ATAD5: variants seen among roughly 807,000 people sequenced by gnomAD.
ATAD5 encodes the protein ATPase family AAA domain-containing protein 5.
Under a neutral mutation model 176.9 loss-of-function variants are expected in ATAD5, and 58 were observed. The ratio of observed to expected loss-of-function variants is 0.33; its 90% CI spans 0.27 to 0.41. The LOEUF (loss-of-function observed/expected upper bound fraction) is 0.41. Among genes scored for constraint, ATAD5 ranks in the 10% least tolerant of loss-of-function variants. ATAD5 has a pLI of 1.00. For missense variants in ATAD5, 1,789 were observed against 2,094.1 expected, an observed-to-expected ratio of 0.85 and a Z score of 2.84; for synonymous variants, 640 against 712.6, an observed-to-expected ratio of 0.90 and a Z score of 1.62.
chr17:30,865,623 A>AG, intron 10 of ATAD5, 81 bp from the exon 11 acceptor site: 1 of 813,626 alleles, frequency 1.2e-6, no homozygotes, highest in East Asian at 2.9e-5. Flanking sequence ...GTGACATTGT[A>AG]ACAATAATGT....
intron 10 of ATAD5, among the ~76,000 whole-genome samples, chr17:30,862,338 GC>G (rs77472289): frequency 0.1 from 15,195 of 149,844 alleles, 898 homozygotes; most frequent in South Asian, 0.24. Flanking sequence ...CGTCTAGGGG[GC>G]AAAAAAAAAG....
Position 30,834,197 on chromosome 17 carries a change from T to C in ATAD5, c.116T>C (p.Ile39Thr), listed in dbSNP as rs1441456440. ...KDDDTSTCKT[I>T]TKYLSPLGKT... Reference sequence around the variant, plus strand: ...GATGACACATCTACCTGCAAAACAATTACAAAATATTTATCACCACTAGGG... The same window carrying C: ...GATGACACATCTACCTGCAAAACAACTACAAAATATTTATCACCACTAGGG... The change falls in exon 2 of 23, where the codon ATT (isoleucine) becomes ACT (threonine). Residue 39 changes from isoleucine to threonine, a missense_variant. Coordinates refer to ENST00000321990, the MANE Select transcript of ATAD5 (RefSeq NM_024857.5). The C allele has an allele frequency of 6.3e-7, 1 of 1,589,278 alleles. No individual in the cohort carries two copies. The highest frequency in any genetic ancestry group is 1.2e-5 in the South Asian group (1 of 85,292).
At position 30,835,264 on chromosome 17, in the gene ATAD5, T is replaced by C. The variant is rs1597948606; in HGVS notation, c.1183T>C (p.Cys395Arg). Residue 395 changes from cysteine (C) to arginine (R), a missense_variant, in exon 2 of 23, where the codon TGC becomes CGC. Coordinates refer to ENST00000321990, the MANE Select transcript of ATAD5 (RefSeq NM_024857.5). Reference sequence around the variant, plus strand: ...AAGTTCTGAAGCTGTGAAACCAAAATGCACTCTAGAAGAAAGACAGCAATT... The same window carrying C: ...AAGTTCTGAAGCTGTGAAACCAAAACGCACTCTAGAAGAAAGACAGCAATT... ...AGSSEAVKPK[C>R]TLEERQQFMK... 4 of 1,614,050 alleles carry C rather than the reference T, an allele frequency of 2.5e-6. No individual in the cohort carries two copies. Among genetic ancestry groups the C allele is most frequent in the Non-Finnish European group, 2.5e-6 (3 of 1,180,002 alleles).
intron 18 of ATAD5, among the ~76,000 whole-genome samples, chr17:30,885,209 GTCTC>G (rs1909247101): frequency 6.6e-6 from 1 of 151,924 alleles, no homozygotes; most frequent in South Asian, 2.1e-4. Context: ...TAGAAACAGG[GTCTC>G]TCTGTCACCT....
At chr17:30,865,682 A>ATTTT in intron 10 of ATAD5, 22 bp from the exon 11 acceptor site, 2 of 1,163,680 alleles carry the variant, frequency 1.7e-6, no homozygotes, top group Non-Finnish European at 2.4e-6. Flanking sequence ...GAATACCTTA[A>ATTTT]TTTTTTTTTT....
Position 30,876,921 on chromosome 17 carries a change from T to C in ATAD5, c.3784+371T>C, listed in dbSNP as rs553833648. On this transcript the variant is annotated intron_variant, in intron 15 of 22. Transcript: ENST00000321990. Reference sequence around the variant, plus strand: ...TAGTAGAGACGGGGTTTTGCCATATTGTTCAGACTGGTTTTGAACTCCTGA... The same window carrying C: ...TAGTAGAGACGGGGTTTTGCCATATCGTTCAGACTGGTTTTGAACTCCTGA... Among the ~76,000 whole-genome samples, 3 of 151,848 alleles carry C rather than the reference T, an allele frequency of 2.0e-5. No homozygotes were observed. The South Asian group carries it at 6.2e-4, about 32-fold the overall frequency.
At chr17:30,854,369 ATTTTT>A (rs11445925) in intron 6 of ATAD5, among the ~76,000 whole-genome samples, 4 of 121,000 alleles carry the variant, frequency 3.3e-5, no homozygotes, top group South Asian at 2.4e-4. Context: ...ATTAATTTAA[ATTTTT>A]TTTTTTTTTT....
At chr17:30,891,633 A>G (rs150775821) in intron 19 of ATAD5, among the ~76,000 whole-genome samples, 4,049 of 152,148 alleles carry the variant, frequency 0.027, 197 homozygotes, top group African/African-American at 0.092. Context: ...TCGGCCTCCC[A>G]AAGTGCTGGG....
chr17:30,869,893 G>A, intron 14 of ATAD5: 1 of 402,208 alleles, frequency 2.5e-6, no homozygotes, highest in Non-Finnish European at 4.4e-6. Context: ...ATCGTAATCA[G>A]ACCCAACAGA....
chr17:30,869,465 C>G (rs367923107), intron 13 of ATAD5, 31 bp from the exon 14 acceptor site: 1 of 1,609,342 alleles, frequency 6.2e-7, no homozygotes, highest in African/African-American at 1.3e-5. Context: ...AAACCATTCT[C>G]CCTTCGTTTT....
chr17:30,853,529 G>A (rs545203103), intron 6 of ATAD5, among the ~76,000 whole-genome samples: 2 of 152,096 alleles, frequency 1.3e-5, no homozygotes, highest in South Asian at 4.2e-4. Flanking sequence ...TATCTATCTG[G>A]CTTCATAGCT....
intron 19 of ATAD5, among the ~76,000 whole-genome samples, chr17:30,892,196 G>A (rs969408406): frequency 2.8e-4 from 43 of 151,626 alleles, no homozygotes; most frequent in Non-Finnish European, 4.1e-4. Context: ...AGGTCGAGGG[G>A]GGTGGATCAC....
intron 14 of ATAD5, among the ~76,000 whole-genome samples, chr17:30,876,026 A>G (rs529355226): frequency 6.6e-6 from 1 of 150,612 alleles, no homozygotes; most frequent in South Asian, 2.1e-4. Context: ...AGTCCCAGCT[A>G]CTCGGGAGGC....
intron 19 of ATAD5, among the ~76,000 whole-genome samples, chr17:30,888,884 G>A (rs2142448539): frequency 6.6e-6 from 1 of 151,994 alleles, no homozygotes. Context: ...TGGCCAACAT[G>A]GTGAAACCCC....
chr17:30,853,203 G>A (rs1907073397), intron 6 of ATAD5, among the ~76,000 whole-genome samples: 1 of 152,000 alleles, frequency 6.6e-6, no homozygotes, highest in Non-Finnish European at 1.5e-5. Flanking sequence ...ATTTCAATAT[G>A]AAATTTGGAG....
Position 30,877,295 on chromosome 17 carries a change from C to T in ATAD5, c.3785-121C>T, listed in dbSNP as rs1908732993. 3 of 689,698 alleles carry T rather than the reference C, an allele frequency of 4.3e-6. No individual in the cohort carries two copies. In the East Asian group the frequency reaches 9.1e-5, roughly 21 times the overall value. 42.7% of individuals were successfully genotyped at this position (689,698 alleles called of 1,614,324 possible). On this transcript the variant is annotated intron_variant, in intron 15 of 22. Coordinates refer to ENST00000321990, the MANE Select transcript of ATAD5 (RefSeq NM_024857.5). ...AAGTGCTGGGATTACAGGCATGAGC[C>T]ACCGCGCCCGTCCTGTTTCAGTTTT...
At chr17:30,839,711 C>CT (rs1905981943) in intron 3 of ATAD5, among the ~76,000 whole-genome samples, 2 of 147,420 alleles carry the variant, frequency 1.4e-5, no homozygotes, top group South Asian at 4.3e-4. Flanking sequence ...CGCCCCAAGT[C>CT]GTTGGGATTA....
chr17:30,859,003 T>C (rs565519380), intron 9 of ATAD5, among the ~76,000 whole-genome samples: 2 of 152,356 alleles, frequency 1.3e-5, no homozygotes, highest in South Asian at 2.1e-4. Flanking sequence ...CCCAAAGTGC[T>C]GGGATTACAG....
Position 30,840,533 on chromosome 17 carries a change from G to A in ATAD5, c.2077-84G>A, listed in dbSNP as rs557348980. On this transcript the variant is annotated intron_variant, in intron 3 of 22. Coordinates refer to ENST00000321990, the MANE Select transcript of ATAD5 (RefSeq NM_024857.5). The stretch of plus-strand genomic sequence containing the variant: ...ACCATTTCTTTGTTGATTATTTAAT[G>A]TGATTTGTGATTGTATTTTTTTCTA... The A allele has an allele frequency of 4.1e-6, 4 of 982,918 alleles. No homozygotes were observed. The East Asian group carries it at 1.2e-4, about 30-fold the overall frequency. The allele number at this position is 982,918 out of a possible 1,614,324, so 60.9% of individuals were successfully genotyped here.
Sources: allele counts gnomAD v4.1 joint callset (sites outside exome capture counted in the v4.1 genomes callset), GRCh38; gene constraint gnomAD v4.1.1; transcripts MANE v1.5; gene names NCBI Gene and HGNC (gene_info 2026-07-23, HGNC 2026-07-21).